FAIM: variants seen among roughly 807,000 people sequenced by gnomAD.
The protein encoded by FAIM is fas apoptotic inhibitory molecule 1.
A neutral mutation model predicts 21.2 loss-of-function variants in FAIM; 14 were observed. The ratio of observed to expected loss-of-function variants is 0.66; its 90% CI spans 0.44 to 1.03. The LOEUF (loss-of-function observed/expected upper bound fraction) is 1.03. FAIM is among the 50% of genes least tolerant of loss of function. FAIM has a pLI of 0.00. For missense variants in FAIM, 222 were observed against 247.1 expected (o/e 0.90, Z 0.68); for synonymous variants, 86 against 80.4 (o/e 1.07, Z -0.37).
At chr3:138,619,555 A>G (rs1411809315) in intron 1 of FAIM, among the ~76,000 whole-genome samples, 156 bp from the exon 2 acceptor site, 1 of 152,236 alleles carries the variant, frequency 6.6e-6, no homozygotes, top group Non-Finnish European at 1.5e-5. Flanking sequence ...TTGCAATTCT[A>G]TTTTATGTAG....
At chr3:138,628,031 T>G (rs1168173964) in intron 4 of FAIM, among the ~76,000 whole-genome samples, 3 of 152,128 alleles carry the variant, frequency 2.0e-5, no homozygotes. Context: ...TAGTGTAGTC[T>G]TCTCTCCTGC....
chr3:138,625,217 C>T (rs1352516641), intron 4 of FAIM, among the ~76,000 whole-genome samples: 1 of 152,120 alleles, frequency 6.6e-6, no homozygotes, highest in African/African-American at 2.4e-5. Flanking sequence ...AATCCCAGCA[C>T]TGTGGGAGGC....
Position 138,622,075 on chromosome 3 carries a change from C to T in FAIM, c.178-113C>T, listed in dbSNP as rs977087884. On this transcript the variant is annotated intron_variant, in intron 3 of 5. Coordinates refer to ENST00000360570, the MANE Select transcript of FAIM (RefSeq NM_001033031.2). The stretch of plus-strand genomic sequence containing the variant: ...GATTACAGGCATGAGCCACCACTCC[C>T]GGCAATGAAATTATATCTAAATGGC... The T allele has an allele frequency of 7.8e-5, 71 of 906,226 alleles. No individual in the cohort carries two copies. The Admixed American group carries it at 9.0e-4, about 12-fold the overall frequency. 56.1% of individuals were successfully genotyped at this position (906,226 alleles called of 1,614,324 possible). A position where few individuals can be genotyped will look rare whatever the true frequency, so the allele number is the denominator to read the frequency against.
Position 138,622,268 on chromosome 3 carries a change from C to T in FAIM, c.258C>T (p.Thr86=). 1 of 1,613,608 alleles carries T rather than the reference C, an allele frequency of 6.2e-7. No individual in the cohort carries two copies. Among genetic ancestry groups the T allele is most frequent in the Non-Finnish European group, 8.5e-7 (1 of 1,179,904 alleles). The part of the protein sequence containing the change: ...FYVGAAKTKA[T]INIDAISGFA... ...TTGGAGCTGCAAAGACAAAAGCGAC[C>T]ATAAATATAGACGCTATCAGTGGTT... Residue 86 remains threonine, a synonymous_variant, in exon 4 of 6, where the codon ACC becomes ACT. Coordinates refer to ENST00000360570, the MANE Select transcript of FAIM (RefSeq NM_001033031.2).
At chr3:138,629,937 G>A (rs568043411) in intron 5 of FAIM, 2 of 152,324 alleles carry the variant, frequency 1.3e-5, no homozygotes, top group South Asian at 4.2e-4. Context: ...TTTCAAGCAG[G>A]AGTGAAACAG....
chr3:138,633,041 A>C lies in FAIM; in HGVS notation c.568A>C (p.Ile190Leu), dbSNP rs1560502541. 1.2e-6 allele frequency: 2 copies of C among 1,613,660 alleles called. No individual in the cohort carries two copies. The highest frequency in any genetic ancestry group is 8.5e-7 in the Non-Finnish European group (1 of 1,179,748). ...KRKEGIIHTL[I>L]VDNREIPEIA... ...GAAAGAAGGGATTATTCATACTCTC[A>C]TTGTGGATAATAGAGAAATCCCAGA... is the stretch of plus-strand genomic sequence containing the variant. Residue 190 changes from isoleucine (I) to leucine (L), a missense_variant, in exon 6 of 6, where the codon ATT becomes CTT. Physicochemically the swap from Ile to Leu is conservative, Grantham distance 5. Transcript: ENST00000360570.
chr3:138,612,385 G>A (rs1286714955), intron 1 of FAIM, among the ~76,000 whole-genome samples: 2 of 152,000 alleles, frequency 1.3e-5, no homozygotes, highest in Admixed American at 1.3e-4. Context: ...ACAGGCGTGA[G>A]TCACCGCGCC....
Position 138,629,147 on chromosome 3 carries a change from G to A in FAIM, c.447G>A (p.Leu149=), listed in dbSNP as rs780017802. The change falls in exon 5 of 6, where the codon TTG becomes TTA. Residue 149 remains leucine (L), a synonymous_variant. Coordinates refer to ENST00000360570, the MANE Select transcript of FAIM (RefSeq NM_001033031.2). The stretch of plus-strand genomic sequence containing the variant: ...ACGTATGGTGCAATGGTAAAAAATT[G>A]GAGACAGCGGTAAGTTGACTATTTG... ...AMDVWCNGKK[L]ETAGEFVDDG... 4 of 1,611,114 alleles carry A rather than the reference G, an allele frequency of 2.5e-6. No homozygotes were observed. In the African/African-American group the frequency reaches 5.4e-5, roughly 22 times the overall value.
chr3:138,622,140 A>G (rs376688636), intron 3 of FAIM, 48 bp from the exon 4 acceptor site: 95 of 1,402,464 alleles, frequency 6.8e-5, no homozygotes, highest in Admixed American at 8.6e-5. Flanking sequence ...AAAATTAGAT[A>G]TCAATTTTTC....
chr3:138,609,598 C>CG (rs1315206751), intron 1 of FAIM, among the ~76,000 whole-genome samples: 11 of 102,052 alleles, frequency 1.1e-4, no homozygotes, highest in African/African-American at 4.8e-4. Context: ...TCTCGACTCT[C>CG]TCTCTCTCTC....
chr3:138,630,464 T>C (rs2042993679), intron 5 of FAIM: 1 of 152,132 alleles, frequency 6.6e-6, no homozygotes, highest in African/African-American at 2.4e-5. Context: ...AAAAAATTAA[T>C]CAATCAATTG....
intron 3 of FAIM, 65 bp downstream of exon 3, chr3:138,621,604 G>C: frequency 6.8e-7 from 1 of 1,468,626 alleles, no homozygotes; most frequent in Non-Finnish European, 9.3e-7. Flanking sequence ...TGTTAAAGTA[G>C]CATCTTCATA....
At position 138,621,240 on chromosome 3, in the gene FAIM, G is replaced by A. The variant is rs150225884; in HGVS notation, c.45-167G>A. ...TGTATCTTAAAGGAAGAGTGAATAAGAGGGAGAAAATAGTTACATGTACTG... is the reference window on the plus strand; with the variant it reads ...TGTATCTTAAAGGAAGAGTGAATAAAAGGGAGAAAATAGTTACATGTACTG... On this transcript the variant is annotated intron_variant, in intron 2 of 5. Coordinates refer to ENST00000360570, the MANE Select transcript of FAIM (RefSeq NM_001033031.2). The A allele has an allele frequency of 1.6e-3, 1,064 of 656,800 alleles. 3 individuals carry two copies. Among genetic ancestry groups the A allele is most frequent in the Admixed American group, 2.4e-3 (81 of 33,432 alleles). 40.7% of individuals were successfully genotyped at this position (656,800 alleles called of 1,614,324 possible).
At chr3:138,611,489 G>A (rs990714202) in intron 1 of FAIM, among the ~76,000 whole-genome samples, 8 of 152,070 alleles carry the variant, frequency 5.3e-5, no homozygotes, top group Non-Finnish European at 1.2e-4. Context: ...CTATCTATTT[G>A]CCAAACTTTT....
At chr3:138,621,124 G>T in intron 2 of FAIM, 1 of 340,310 alleles carries the variant, frequency 2.9e-6, no homozygotes, top group Non-Finnish European at 5.4e-6. Flanking sequence ...CTAGAATACT[G>T]ACCAGGATAA....
chr3:138,622,899 C>T lies in FAIM; in HGVS notation c.406+483C>T, dbSNP rs1027278004. 1.2e-4 allele frequency among the ~76,000 whole-genome samples: 18 copies of T among 151,870 alleles called. 1 individual carries two copies. The highest frequency in any genetic ancestry group is 2.6e-4 in the Non-Finnish European group (18 of 67,994). Reference sequence around the variant, plus strand: ...ACTAAAAATACAAAAATTAGCAGGACATAGTGGCACATGCCTGTAATCCCA... The same window carrying T: ...ACTAAAAATACAAAAATTAGCAGGATATAGTGGCACATGCCTGTAATCCCA... On this transcript the variant is annotated intron_variant, in intron 4 of 5. Coordinates refer to ENST00000360570, the MANE Select transcript of FAIM (RefSeq NM_001033031.2).
chr3:138,623,487 T>C (rs2042909226), intron 4 of FAIM, among the ~76,000 whole-genome samples: 1 of 152,118 alleles, frequency 6.6e-6, no homozygotes, highest in African/African-American at 2.4e-5. Context: ...AGCCTCAGCC[T>C]CCCGAGTAGC....
chr3:138,614,240 G>A (rs974346965), intron 1 of FAIM, among the ~76,000 whole-genome samples: 3 of 152,186 alleles, frequency 2.0e-5, no homozygotes, highest in Non-Finnish European at 4.4e-5. Flanking sequence ...AGGAGTTTGA[G>A]ACCAGCTGGG....
chr3:138,629,256 C>A, intron 5 of FAIM, 100 bp downstream of exon 5: 3 of 989,604 alleles, frequency 3.0e-6, no homozygotes, highest in Non-Finnish European at 4.6e-6. Context: ...TGAATCAAGG[C>A]CCTCTTGATA....
Sources: allele counts gnomAD v4.1 joint callset (sites outside exome capture counted in the v4.1 genomes callset), GRCh38; gene constraint gnomAD v4.1.1; transcripts MANE v1.5; gene names NCBI Gene and HGNC (gene_info 2026-07-23, HGNC 2026-07-21).